The following KLHL29 variants were observed in gnomAD, a reference collection of about 807,000 sequenced individuals.
The protein encoded by KLHL29 is kelch-like protein 29.
A neutral mutation model predicts 80.4 loss-of-function variants in KLHL29; 21 were observed. The observed-to-expected ratio is 0.26, with a 90% CI of 0.19 to 0.38. The LOEUF is 0.38. Among genes scored for constraint, KLHL29 ranks in the 10% least tolerant of loss-of-function variants. The pLI, the probability that KLHL29 is intolerant of heterozygous loss-of-function variation, is 1.00. For synonymous variants in KLHL29, 511 were observed against 526.8 expected, an observed-to-expected ratio of 0.97 and a Z score of 0.41; for missense variants, 867 against 1,223.9, an observed-to-expected ratio of 0.71 and a Z score of 4.35.
chr2:23,684,274 C>A lies in KLHL29; in HGVS notation c.941-125C>A. 2 of 704,162 alleles carry A rather than the reference C, an allele frequency of 2.8e-6. No individual in the cohort carries two copies. The highest frequency in any genetic ancestry group is 4.1e-6 in the Non-Finnish European group (2 of 486,048). The allele number at this position is 704,162 out of a possible 1,614,324, so 43.6% of individuals were successfully genotyped here. A position where few individuals can be genotyped will look rare whatever the true frequency, so the allele number is the denominator to read the frequency against. On this transcript the variant is annotated intron_variant, in intron 5 of 13. Coordinates refer to ENST00000486442, the MANE Select transcript of KLHL29 (RefSeq NM_052920.2). The surrounding 1 kb of genome is among the most constrained non-coding windows in gnomAD (Gnocchi z 4.4). ...ACTGTCAGTGTTGAGCCAGTCTTGC[C>A]AAGAAACAATATCAAGTATTTCCTA...
intron 3 of KLHL29, among the ~76,000 whole-genome samples, chr2:23,607,422 A>G (rs1355792514): frequency 6.6e-6 from 1 of 152,246 alleles, no homozygotes; most frequent in African/African-American, 2.4e-5. Context: ...GGGATGCAGA[A>G]AAGGCTGCCC....
intron 5 of KLHL29, among the ~76,000 whole-genome samples, chr2:23,678,483 A>C (rs2712105): frequency 3.3e-5 from 5 of 152,088 alleles, no homozygotes. Context: ...ATGAGAGACC[A>C]CGTGGAGCAG....
At chr2:23,693,803 T>G (rs1210330024) in intron 8 of KLHL29, among the ~76,000 whole-genome samples, 7 of 152,076 alleles carry the variant, frequency 4.6e-5, no homozygotes, top group Non-Finnish European at 8.8e-5. Context: ...GCTCTGGGGC[T>G]CCCAGGAACA....
intron 7 of KLHL29, among the ~76,000 whole-genome samples, chr2:23,692,200 C>T (rs1286172992): frequency 1.3e-5 from 2 of 152,196 alleles, no homozygotes; most frequent in Non-Finnish European, 2.9e-5. Context: ...AGGCTATGGC[C>T]CTGGCCTCAC....
At chr2:23,639,777 C>T (rs1394494923) in intron 4 of KLHL29, among the ~76,000 whole-genome samples, 2 of 152,170 alleles carry the variant, frequency 1.3e-5, no homozygotes, top group Non-Finnish European at 2.9e-5. Flanking sequence ...CCAGAGCGCC[C>T]CCTCAGGATA....
Position 23,639,134 on chromosome 2 carries a change from C to T in KLHL29, c.286-5C>T. The T allele has an allele frequency of 6.5e-7, 1 of 1,526,814 alleles. No individual in the cohort carries two copies. Among genetic ancestry groups the T allele is most frequent in the Non-Finnish European group, 8.8e-7 (1 of 1,138,110 alleles). The allele number at this position is 1,526,814 out of a possible 1,614,324, so 94.6% of individuals were successfully genotyped here. ...TATGCTCACCTCCTCATCTGCTTCCCACAGGCTCCCGGCATCTCCAAAGGG... is the reference window on the plus strand; with the variant it reads ...TATGCTCACCTCCTCATCTGCTTCCTACAGGCTCCCGGCATCTCCAAAGGG... On this transcript the variant is annotated splice_region_variant and splice_polypyrimidine_tract_variant and intron_variant, in intron 3 of 13. Transcript: ENST00000486442.
chr2:23,452,315 C>A (rs762640688), intron 1 of KLHL29, among the ~76,000 whole-genome samples: 10 of 151,980 alleles, frequency 6.6e-5, no homozygotes, highest in Non-Finnish European at 1.5e-4. Context: ...AGCCATCATG[C>A]CTTACTGTCA....
chr2:23,624,164 C>T (rs1669253790), intron 3 of KLHL29, among the ~76,000 whole-genome samples: 1 of 152,082 alleles, frequency 6.6e-6, no homozygotes, highest in Non-Finnish European at 1.5e-5. Context: ...GGAAGTCTAG[C>T]AATTACTACG....
At chr2:23,566,491 T>C (rs1045342228) in intron 3 of KLHL29, among the ~76,000 whole-genome samples, 2 of 152,238 alleles carry the variant, frequency 1.3e-5, no homozygotes, top group Non-Finnish European at 2.9e-5. Context: ...AGCATTGTTA[T>C]GGTAACTTTT....
chr2:23,482,400 C>T (rs1664819542), intron 2 of KLHL29, among the ~76,000 whole-genome samples: 3 of 152,228 alleles, frequency 2.0e-5, no homozygotes, highest in South Asian at 2.1e-4. Flanking sequence ...AGTTTGTGTC[C>T]TCCGTGAGGG....
chr2:23,457,189 G>A lies in KLHL29; in HGVS notation c.-153-18371G>A, dbSNP rs992952021. ...AAAGCAATCCGTGCCCTGAGTGAGC[G>A]CAGGGTGCAGAGTAACCCTCACATG... On this transcript the variant is annotated intron_variant, in intron 1 of 13. Transcript: ENST00000486442. This position sits in a 1 kb window ranked among gnomAD's most constrained non-coding sequence, Gnocchi z 4.3. Among the ~76,000 whole-genome samples the A allele has an allele frequency of 3.9e-5, 6 of 152,212 alleles. No homozygotes were observed. Among genetic ancestry groups the A allele is most frequent in the South Asian group, 4.1e-4 (2 of 4,828 alleles).
At chr2:23,616,341 AAACT>A (rs1407455156) in intron 3 of KLHL29, among the ~76,000 whole-genome samples, 5 of 152,154 alleles carry the variant, frequency 3.3e-5, no homozygotes, top group Admixed American at 1.3e-4. Context: ...CATTTTACCT[AAACT>A]AACCTTTCTT....
chr2:23,532,688 G>A (rs1455801755), intron 2 of KLHL29: 2 of 456,146 alleles, frequency 4.4e-6, no homozygotes, highest in Non-Finnish European at 8.8e-6. Flanking sequence ...TGTGGTTTGG[G>A]GTCAGCATGG....
intron 2 of KLHL29, among the ~76,000 whole-genome samples, chr2:23,558,621 C>G (rs2103494418): frequency 6.6e-6 from 1 of 152,308 alleles, no homozygotes; most frequent in South Asian, 2.1e-4. Context: ...CCAGGCTGCT[C>G]TTGAACTCCT....
At chr2:23,483,958 A>G (rs1664863170) in intron 2 of KLHL29, among the ~76,000 whole-genome samples, 2 of 152,182 alleles carry the variant, frequency 1.3e-5, no homozygotes, top group Non-Finnish European at 2.9e-5. Flanking sequence ...AGTGCAGCAC[A>G]TACGACGTGT....
At chr2:23,604,555 A>G (rs1256963127) in intron 3 of KLHL29, among the ~76,000 whole-genome samples, 1 of 152,214 alleles carries the variant, frequency 6.6e-6, no homozygotes, top group African/African-American at 2.4e-5. Context: ...CAGCAGCAGC[A>G]GGAGCCCTGG....
At chr2:23,570,047 G>A (rs113391295) in intron 3 of KLHL29, among the ~76,000 whole-genome samples, 3,291 of 152,290 alleles carry the variant, frequency 0.022, 49 homozygotes, top group Non-Finnish European at 0.03. Context: ...GTACTGCTCC[G>A]GCTGCTGTCT....
At chr2:23,418,112 G>T (rs936123059) in intron 1 of KLHL29, among the ~76,000 whole-genome samples, 1 of 152,190 alleles carries the variant, frequency 6.6e-6, no homozygotes, top group Admixed American at 6.5e-5. Context: ...AAGAGTGAAT[G>T]AATCCAGACA....
At chr2:23,519,612 A>G (rs2103468552) in intron 2 of KLHL29, among the ~76,000 whole-genome samples, 1 of 152,180 alleles carries the variant, frequency 6.6e-6, no homozygotes, top group East Asian at 1.9e-4. Context: ...GTGAATTTAG[A>G]AAGTTTATTT....
Sources: gnomAD v4.1 joint callset for allele counts (sites outside exome capture counted in the v4.1 genomes callset) on GRCh38, gnomAD v4.1.1 for gene constraint, Gnocchi (gnomAD v3.1) non-coding constraint, MANE v1.5 for transcripts, NCBI Gene and HGNC (gene_info 2026-07-23, HGNC 2026-07-21) for gene names.